The following ASTN1 variants were observed in gnomAD, a reference collection of about 807,000 sequenced individuals.
The protein encoded by ASTN1 is astrotactin-1.
ASTN1 carries 41 observed loss-of-function variants against 140.7 expected under a neutral mutation model. The ratio of observed to expected loss-of-function variants is 0.29; its 90% CI spans 0.23 to 0.38. ASTN1 has a LOEUF of 0.38. Among genes scored for constraint, ASTN1 ranks in the 10% least tolerant of loss-of-function variants. The pLI is 1.00. For synonymous variants in ASTN1, 640 were observed against 652.2 expected (o/e 0.98, Z 0.29); for missense variants, 1,479 against 1,678.8 (o/e 0.88, Z 2.08).
chr1:176,960,683 T>C (rs999655831), intron 9 of ASTN1, among the ~76,000 whole-genome samples: 6 of 152,240 alleles, frequency 3.9e-5, no homozygotes, highest in Non-Finnish European at 1.5e-5. Context: ...TGGCTTCTTC[T>C]GCTTCTTTTT....
At chr1:177,018,813 T>A (rs142971255) in intron 7 of ASTN1, among the ~76,000 whole-genome samples, 1 of 151,946 alleles carries the variant, frequency 6.6e-6, no homozygotes, top group Non-Finnish European at 1.5e-5. Flanking sequence ...CATACAACCA[T>A]AACAAAAAAA....
At chr1:177,030,647 ATTT>A (rs1204146611) in intron 4 of ASTN1, among the ~76,000 whole-genome samples, 156 bp downstream of exon 4, 1 of 152,158 alleles carries the variant, frequency 6.6e-6, no homozygotes, top group South Asian at 2.1e-4. Flanking sequence ...GCACATTTAC[ATTT>A]TTTTGGTAAG....
At chr1:177,068,125 C>T (rs931924268) in intron 1 of ASTN1, among the ~76,000 whole-genome samples, 1 of 152,126 alleles carries the variant, frequency 6.6e-6, no homozygotes, top group South Asian at 2.1e-4. Flanking sequence ...ACAGCATAGC[C>T]AGGAAACTCT....
At chr1:177,117,097 T>C (rs1681126356) in intron 1 of ASTN1, among the ~76,000 whole-genome samples, 1 of 152,086 alleles carries the variant, frequency 6.6e-6, no homozygotes, top group Admixed American at 6.6e-5. Flanking sequence ...AGCAAAGCCA[T>C]TATCTCTCTC....
intron 16 of ASTN1, among the ~76,000 whole-genome samples, chr1:176,923,021 T>C (rs1270712680): frequency 6.6e-6 from 1 of 152,194 alleles, no homozygotes; most frequent in Non-Finnish European, 1.5e-5. Context: ...TAAGTATTGC[T>C]AGCCCCATTT....
Position 176,868,927 on chromosome 1 carries a change from T to A in ASTN1, c.3564A>T (p.Leu1188Phe), listed in dbSNP as rs762336851. ...NTLLDLGSPT[L>F]HRVLYHYNQH... Reference sequence around the variant, plus strand: ...GGTTATAGTGGTAGAGGACCCGGTGTAAGGTGGGGGAACCCAGATCCAGGA... The same window carrying A: ...GGTTATAGTGGTAGAGGACCCGGTGAAAGGTGGGGGAACCCAGATCCAGGA... The change falls in exon 22 of 23, where the codon TTA becomes TTT. Residue 1188 changes from leucine (L) to phenylalanine (F), a missense_variant. Leu to Phe is a conservative substitution (Grantham distance 22). This residue lies in a region of ASTN1 where 746 missense variants were observed against 800.9 expected (regional missense o/e 0.93). Transcript: ENST00000361833. 7 of 1,612,630 alleles carry A rather than the reference T, an allele frequency of 4.3e-6. No individual in the cohort carries two copies. The highest frequency in any genetic ancestry group is 5.9e-6 in the Non-Finnish European group (7 of 1,179,010).
chr1:176,981,829 G>A (rs1673634834), intron 8 of ASTN1: 1 of 152,590 alleles, frequency 6.6e-6, no homozygotes, highest in African/African-American at 2.4e-5. Context: ...TAATGAGGCA[G>A]CATAGTTAAT....
chr1:176,939,450 C>G (rs533216070), intron 14 of ASTN1, among the ~76,000 whole-genome samples: 4 of 152,286 alleles, frequency 2.6e-5, no homozygotes, highest in South Asian at 2.1e-4. Flanking sequence ...TATGCCACAC[C>G]ATAGTCAGGG....
chr1:177,085,852 A>G (rs773777835), intron 1 of ASTN1, among the ~76,000 whole-genome samples: 69 of 151,486 alleles, frequency 4.6e-4, no homozygotes, highest in Admixed American at 2.6e-4. Flanking sequence ...TAGGTAGGCT[A>G]GTGCCTTTTG....
At chr1:176,953,273 G>T (rs907510971) in intron 11 of ASTN1, among the ~76,000 whole-genome samples, 6 of 152,208 alleles carry the variant, frequency 3.9e-5, no homozygotes, top group African/African-American at 1.2e-4. Flanking sequence ...TGGGAGATGA[G>T]TATGAGAGAT....
rs555947614 is a variant in ASTN1 at position 176,895,167 on chromosome 1, C to A, written c.2672-337G>T. On this transcript the variant is annotated intron_variant, in intron 16 of 22. Transcript: ENST00000361833. Reference sequence around the variant, plus strand: ...TTGTTCTATGACTCAATTTCTTCATCTATGAAGTAAAGATACGAATAGTAT... The same window carrying A: ...TTGTTCTATGACTCAATTTCTTCATATATGAAGTAAAGATACGAATAGTAT... Among the ~76,000 whole-genome samples the A allele has an allele frequency of 7.9e-5, 12 of 152,296 alleles. No individual in the cohort carries two copies. The East Asian group carries it at 2.3e-3, about 29-fold the overall frequency.
At position 176,957,685 on chromosome 1, in the gene ASTN1, C is replaced by A; in HGVS notation, c.1880G>T (p.Gly627Val). The A allele has an allele frequency of 2.5e-6, 4 of 1,614,014 alleles. No homozygotes were observed. The highest frequency in any genetic ancestry group is 3.4e-6 in the Non-Finnish European group (4 of 1,179,936). The change falls in exon 11 of 23, where the codon GGT (glycine) becomes GTT (valine). Residue 627 changes from glycine (G) to valine (V), a missense_variant. By Grantham distance (109) the Gly-to-Val change is moderately radical. Coordinates refer to ENST00000361833, the MANE Select transcript of ASTN1 (RefSeq NM_004319.3). ...CISDRKLDST[G>V]CVCPSGLSPM... ...CTTGCAGGGCAGACCTACCACGCAA[C>A]CAGTGGAGTCCAGCTTGCGATCTGA... is the stretch of plus-strand genomic sequence containing the variant.
intron 1 of ASTN1, among the ~76,000 whole-genome samples, chr1:177,150,706 G>C (rs934465715): frequency 9.2e-5 from 14 of 152,126 alleles, no homozygotes; most frequent in African/African-American, 2.2e-4. Flanking sequence ...AAGTAAAATG[G>C]AGTTATGAAG....
intron 16 of ASTN1, among the ~76,000 whole-genome samples, chr1:176,923,738 C>A (rs1185550532): frequency 1.3e-5 from 2 of 152,044 alleles, no homozygotes; most frequent in Non-Finnish European, 2.9e-5. Context: ...AGGTTCCAGG[C>A]ATCCACTGGG....
chr1:176,942,866 A>ATATATATATATATATAGT (rs1385017638), intron 14 of ASTN1, among the ~76,000 whole-genome samples: 1 of 69,978 alleles, frequency 1.4e-5, no homozygotes, highest in Non-Finnish European at 2.8e-5. Context: ...ATATATATAT[A>ATATATATATATATATAGT]GATTGATGTC....
At chr1:177,109,000 A>C (rs1015373159) in intron 1 of ASTN1, among the ~76,000 whole-genome samples, 1 of 152,032 alleles carries the variant, frequency 6.6e-6, no homozygotes, top group Non-Finnish European at 1.5e-5. Flanking sequence ...AAAAGCACGC[A>C]AAAAAAGAAA....
chr1:176,898,332 G>A (rs1429219050), intron 16 of ASTN1, among the ~76,000 whole-genome samples: 1 of 152,174 alleles, frequency 6.6e-6, no homozygotes, highest in Non-Finnish European at 1.5e-5. Flanking sequence ...TGGTCCCCTC[G>A]CCAAACAGGA....
chr1:176,957,972 G>T, intron 10 of ASTN1, 144 bp from the exon 11 acceptor site: 1 of 1,110,218 alleles, frequency 9.0e-7, no homozygotes, highest in Non-Finnish European at 1.3e-6. Context: ...TATACTCCAA[G>T]CCTTGAACTA....
intron 8 of ASTN1, among the ~76,000 whole-genome samples, chr1:176,980,285 G>A (rs1017885333): frequency 2.6e-5 from 4 of 152,174 alleles, no homozygotes; most frequent in Non-Finnish European, 5.9e-5. Context: ...AGGGAGCCAG[G>A]TTCCCATTTC....
Sources: gnomAD v4.1 joint callset for allele counts (sites outside exome capture counted in the v4.1 genomes callset) on GRCh38, gnomAD v4.1.1 for gene constraint, gnomAD v4.1.1 regional missense constraint, MANE v1.5 for transcripts, NCBI Gene and HGNC (gene_info 2026-07-23, HGNC 2026-07-21) for gene names.